Variants in FAT3 observed in about 807,000 individuals in gnomAD.
FAT3 encodes the protein FAT atypical cadherin 3.
FAT3 carries 95 observed loss-of-function variants against 310.2 expected under a neutral mutation model. That is an observed-to-expected ratio of 0.31 (90% confidence interval 0.26 to 0.36). FAT3 has a LOEUF of 0.36. Ranked by LOEUF, FAT3 falls within the 10% of genes least tolerant of loss-of-function variation. FAT3 has a pLI of 1.00. For missense variants in FAT3, 5,408 were observed against 5,715.6 expected, an observed-to-expected ratio of 0.95 and a Z score of 1.74; for synonymous variants, 2,314 against 2,192.9, an observed-to-expected ratio of 1.06 and a Z score of -1.54.
chr11:92,412,716 T>TACACAC (rs757661467), intron 2 of FAT3, among the ~76,000 whole-genome samples: 5 of 23,082 alleles, frequency 2.2e-4, no homozygotes, highest in Middle Eastern at 0.033. Flanking sequence ...TATATATATA[T>TACACAC]ATATATATAT....
At chr11:92,358,927 A>G (rs1288668495) in intron 2 of FAT3, among the ~76,000 whole-genome samples, 1 of 152,208 alleles carries the variant, frequency 6.6e-6, no homozygotes, top group African/African-American at 2.4e-5. Context: ...AGAATGGCCT[A>G]GACTTGCTTG....
At position 92,867,000 on chromosome 11, in the gene FAT3, C is replaced by T. The variant is rs764886682; in HGVS notation, c.11918C>T (p.Thr3973Met). 7 of 1,604,650 alleles carry T rather than the reference C, an allele frequency of 4.4e-6. No homozygotes were observed. The highest frequency in any genetic ancestry group is 5.1e-6 in the Non-Finnish European group (6 of 1,175,720). ...GATAACATCCGCAGCCTGACTGACA[C>T]GCGGGTCACGCAGGTGCTCAGCGGC... ...QADNIRSLTD[T>M]RVTQVLSGFQ... The change falls in exon 22 of 28, where the codon ACG (threonine) becomes ATG (methionine). Residue 3973 changes from threonine (T) to methionine (M), a missense_variant. Physicochemically the swap from Thr to Met is moderately conservative, Grantham distance 81. Transcript: ENST00000525166.
intron 3 of FAT3, among the ~76,000 whole-genome samples, chr11:92,564,792 T>C (rs1955368253): frequency 6.8e-6 from 1 of 145,992 alleles, no homozygotes; most frequent in African/African-American, 2.5e-5. Context: ...GACTACTGGG[T>C]ACATAACGAA....
At chr11:92,839,257 C>CCCT (rs1948478357) in intron 17 of FAT3, among the ~76,000 whole-genome samples, 1 of 152,212 alleles carries the variant, frequency 6.6e-6, no homozygotes, top group African/African-American at 2.4e-5. Flanking sequence ...GCAGGCATGT[C>CCCT]TATGTTACCT....
At chr11:92,326,957 T>C (rs1251465785) in intron 1 of FAT3, among the ~76,000 whole-genome samples, 1 of 152,212 alleles carries the variant, frequency 6.6e-6, no homozygotes, top group Non-Finnish European at 1.5e-5. Flanking sequence ...TTTTTTATCC[T>C]ACTATTGCAC....
rs114370647 is a variant in FAT3 at position 92,531,255 on chromosome 11, C to T, written c.3607+6307C>T. 7.9e-5 allele frequency among the ~76,000 whole-genome samples: 12 copies of T among 152,216 alleles called. No individual in the cohort carries two copies. The East Asian group carries it at 1.9e-3, about 25-fold the overall frequency. ...AAATCGGGCTTATGCAGATTTATCACGGGGGTTATTTAAATTCAGCGGTGA... is the reference window on the plus strand; with the variant it reads ...AAATCGGGCTTATGCAGATTTATCATGGGGGTTATTTAAATTCAGCGGTGA... On this transcript the variant is annotated intron_variant, in intron 3 of 27. Transcript: ENST00000525166.
At chr11:92,748,349 C>T (rs1945734741) in intron 4 of FAT3, among the ~76,000 whole-genome samples, 1 of 152,138 alleles carries the variant, frequency 6.6e-6, no homozygotes, top group East Asian at 1.9e-4. Context: ...TGGCCCCACC[C>T]TTGACATGTG....
chr11:92,232,221 T>C (rs867195593), intron 1 of FAT3, among the ~76,000 whole-genome samples: 26 of 152,186 alleles, frequency 1.7e-4, no homozygotes, highest in Admixed American at 7.2e-4. Flanking sequence ...ACATCGCCCA[T>C]GTTATGGATA....
intron 2 of FAT3, among the ~76,000 whole-genome samples, chr11:92,367,806 G>A (rs921352535): frequency 6.6e-6 from 1 of 152,194 alleles, no homozygotes; most frequent in Non-Finnish European, 1.5e-5. Flanking sequence ...TCCAATTGGA[G>A]ACATAACAGT....
intron 3 of FAT3, among the ~76,000 whole-genome samples, chr11:92,679,494 C>T (rs1438288518): frequency 3.3e-5 from 5 of 151,932 alleles, no homozygotes; most frequent in African/African-American, 1.2e-4. Context: ...AATAGCCATT[C>T]TAACTGAGGT....
chr11:92,859,726 G>A (rs917180303), intron 21 of FAT3, among the ~76,000 whole-genome samples: 5 of 152,270 alleles, frequency 3.3e-5, no homozygotes, highest in Non-Finnish European at 7.4e-5. Flanking sequence ...CTTGCTCAGG[G>A]AGGAAATTGG....
chr11:92,842,350 A>G (rs534081546), intron 18 of FAT3, among the ~76,000 whole-genome samples: 1 of 152,216 alleles, frequency 6.6e-6, no homozygotes, highest in South Asian at 2.1e-4. Context: ...CTCTCACCTT[A>G]TACCCAGCAG....
intron 7 of FAT3, among the ~76,000 whole-genome samples, chr11:92,787,316 G>A (rs1946921116): frequency 6.6e-6 from 1 of 151,960 alleles, no homozygotes; most frequent in African/African-American, 2.4e-5. Context: ...TAGGGGGAAG[G>A]TATAGAAGCT....
chr11:92,533,532 A>G (rs565625118), intron 3 of FAT3, among the ~76,000 whole-genome samples: 2 of 152,318 alleles, frequency 1.3e-5, no homozygotes, highest in East Asian at 1.9e-4. Flanking sequence ...TTACTTGGAA[A>G]ATGATTGCTC....
chr11:92,309,693 T>A (rs1396934100), intron 1 of FAT3, among the ~76,000 whole-genome samples: 1 of 152,130 alleles, frequency 6.6e-6, no homozygotes, highest in African/African-American at 2.4e-5. Context: ...GAATGAAGGA[T>A]GGATCAGACA....
At chr11:92,710,572 G>T (rs544171182) in intron 4 of FAT3, among the ~76,000 whole-genome samples, 1 of 152,320 alleles carries the variant, frequency 6.6e-6, no homozygotes, top group South Asian at 2.1e-4. Context: ...CGCTTGTTTG[G>T]TATCAGCCAG....
intron 2 of FAT3, among the ~76,000 whole-genome samples, chr11:92,516,526 A>G (rs920392688): frequency 1.3e-5 from 2 of 152,198 alleles, no homozygotes; most frequent in Admixed American, 6.5e-5. Context: ...GCCCATAGCC[A>G]ATATCATACT....
chr11:92,267,197 G>GA (rs542539004), intron 1 of FAT3, among the ~76,000 whole-genome samples: 26 of 152,086 alleles, frequency 1.7e-4, no homozygotes, highest in African/African-American at 6.0e-4. Context: ...ATTCAAGACA[G>GA]AAAAAAATGG....
chr11:92,232,847 A>G (rs1864247134), intron 1 of FAT3, among the ~76,000 whole-genome samples: 1 of 152,072 alleles, frequency 6.6e-6, no homozygotes, highest in African/African-American at 2.4e-5. Context: ...ACTTAGAAGT[A>G]ATTAGAGTAA....
Sources: allele counts gnomAD v4.1 joint callset (sites outside exome capture counted in the v4.1 genomes callset), GRCh38; gene constraint gnomAD v4.1.1; transcripts MANE v1.5; gene names NCBI Gene and HGNC (gene_info 2026-07-23, HGNC 2026-07-21).